The following TRIP12 variants were observed in gnomAD, a reference collection of about 807,000 sequenced individuals.
The protein encoded by TRIP12 is E3 ubiquitin-protein ligase TRIP12.
In TRIP12, 25 loss-of-function variants were observed where a neutral mutation model predicts 244.2. The observed-to-expected ratio is 0.10, with a 90% confidence interval of 0.07 to 0.14. The LOEUF is 0.14. TRIP12 is among the 10% of genes least tolerant of loss of function. The probability of loss-of-function intolerance (pLI) is 1.00; values close to 1 mark genes in which losing one functional copy is unlikely to be tolerated. For synonymous variants in TRIP12, 905 were observed against 873.1 expected, an observed-to-expected ratio of 1.04 and a Z score of -0.64; for missense variants, 1,677 against 2,486.4, an observed-to-expected ratio of 0.67 and a Z score of 6.92.
intron 33 of TRIP12, among the ~76,000 whole-genome samples, chr2:229,786,883 G>GA (rs886485705): frequency 2.0e-5 from 3 of 152,014 alleles, no homozygotes; most frequent in Non-Finnish European, 2.9e-5. Context: ...ATCCCTAGCG[G>GA]AAAAAAACAG....
chr2:229,909,080 ACT>A (rs1338157502), intron 1 of TRIP12, among the ~76,000 whole-genome samples: 24 of 107,140 alleles, frequency 2.2e-4, no homozygotes, highest in Non-Finnish European at 4.2e-4. Flanking sequence ...ACAGAGTGAG[ACT>A]CTGTCTCAAA....
intron 2 of TRIP12, among the ~76,000 whole-genome samples, chr2:229,879,113 G>A (rs1033890142): frequency 1.4e-4 from 21 of 152,028 alleles, no homozygotes; most frequent in African/African-American, 4.8e-4. Flanking sequence ...TTAGCTGGGT[G>A]CGGTGGTGCA....
At chr2:229,848,318 C>G (rs1418368060) in intron 4 of TRIP12, among the ~76,000 whole-genome samples, 3 of 96,852 alleles carry the variant, frequency 3.1e-5, no homozygotes, top group Non-Finnish European at 6.2e-5. Context: ...AAAATGCAGG[C>G]CCCCCCCGCC....
In TRIP12 at chr2:229,805,757, G is replaced by T; in HGVS notation, c.2623C>A (p.Pro875Thr). 1 of 1,602,622 alleles carries T rather than the reference G, an allele frequency of 6.2e-7. No individual in the cohort carries two copies. The highest frequency in any genetic ancestry group is 1.1e-5 in the South Asian group (1 of 90,104). ...GTGTTACTATTGGCTAACGGGTTAG[G>T]TTTTCTCTGAATGGCACGTGCTGTT... Reference protein sequence around the residue: ...TGTARAIQRKPNPLANSNTSG... With the variant: ...TGTARAIQRKTNPLANSNTSG... The change falls in exon 18 of 42, where the codon CCT becomes ACT. Residue 875 changes from proline (P) to threonine (T), a missense_variant. Transcript: ENST00000675903.
At chr2:229,803,885 G>A in intron 19 of TRIP12, 114 bp downstream of exon 19, 2 of 979,858 alleles carry the variant, frequency 2.0e-6, no homozygotes, top group South Asian at 3.6e-5. Context: ...AAGAGCTCAA[G>A]ATACTCCTAA....
intron 2 of TRIP12, among the ~76,000 whole-genome samples, chr2:229,869,659 T>C (rs1458921034): frequency 6.6e-6 from 1 of 152,186 alleles, no homozygotes; most frequent in African/African-American, 2.4e-5. Flanking sequence ...ACTAACGTGG[T>C]GTTCAACAGA....
chr2:229,824,059 G>T (rs775765670), intron 8 of TRIP12, among the ~76,000 whole-genome samples: 1 of 152,108 alleles, frequency 6.6e-6, no homozygotes, highest in African/African-American at 2.4e-5. Flanking sequence ...TTTATAACAC[G>T]TATATATAGG....
intron 30 of TRIP12, among the ~76,000 whole-genome samples, chr2:229,790,856 A>AC (rs1394891215): frequency 1.3e-5 from 2 of 152,066 alleles, no homozygotes; most frequent in Non-Finnish European, 1.5e-5. Context: ...ATTTGTTTCA[A>AC]CCTTCATAAA....
At chr2:229,890,571 T>C (rs1238002073) in intron 1 of TRIP12, among the ~76,000 whole-genome samples, 2 of 152,100 alleles carry the variant, frequency 1.3e-5, no homozygotes, top group Admixed American at 1.3e-4. Context: ...GAAACAAAAA[T>C]TATTAAGATT....
intron 1 of TRIP12, among the ~76,000 whole-genome samples, chr2:229,883,243 T>A (rs1364732846): frequency 3.9e-5 from 6 of 152,224 alleles, no homozygotes; most frequent in Non-Finnish European, 5.9e-5. Context: ...TTCATAGGTA[T>A]CACCACCTCA....
chr2:229,808,461 CAG>C, intron 15 of TRIP12, 92 bp from the exon 16 acceptor site: 1 of 805,030 alleles, frequency 1.2e-6, no homozygotes, highest in East Asian at 2.6e-5. Flanking sequence ...GGAAAATAAT[CAG>C]AATCATTTTC....
At chr2:229,777,855 A>T (rs944432674) in intron 36 of TRIP12, among the ~76,000 whole-genome samples, 5 of 152,230 alleles carry the variant, frequency 3.3e-5, no homozygotes, top group African/African-American at 1.2e-4. Context: ...AAACATACTG[A>T]TAAAGTGCCT....
At chr2:229,848,841 C>T (rs1477698416) in intron 4 of TRIP12, among the ~76,000 whole-genome samples, 1 of 152,110 alleles carries the variant, frequency 6.6e-6, no homozygotes, top group Non-Finnish European at 1.5e-5. Context: ...AAAGTAATTC[C>T]CAACCCAGAA....
intron 21 of TRIP12, among the ~76,000 whole-genome samples, chr2:229,800,166 TAC>T (rs2043908050): frequency 1.3e-5 from 2 of 152,202 alleles, no homozygotes; most frequent in Admixed American, 6.5e-5. Flanking sequence ...GCCTCTAACA[TAC>T]TACCCAAAGT....
chr2:229,923,141 C>T (rs561759832), upstream of TRIP12: 4 of 153,934 alleles, frequency 2.6e-5, no homozygotes, highest in East Asian at 3.8e-4. Flanking sequence ...CGATTGGGAG[C>T]TCTTACCTTT....
intron 27 of TRIP12, 22 bp downstream of exon 27, chr2:229,792,951 G>T: frequency 6.2e-7 from 1 of 1,602,660 alleles, no homozygotes; most frequent in South Asian, 1.1e-5. Context: ...TATAACACAC[G>T]AAACAAATAT....
At chr2:229,923,181 G>T (rs1268113779), upstream of TRIP12, 1 of 152,420 alleles carries the variant, frequency 6.6e-6, no homozygotes, top group African/African-American at 2.4e-5. Flanking sequence ...TTGAAAGTGT[G>T]CGGGTGGTGG....
intron 2 of TRIP12, among the ~76,000 whole-genome samples, chr2:229,868,618 C>A (rs2061971726): frequency 6.6e-6 from 1 of 152,104 alleles, no homozygotes; most frequent in African/African-American, 2.4e-5. Flanking sequence ...AAACAAGAAG[C>A]AGTTTGAACT....
intron 2 of TRIP12, 95 bp from the exon 3 acceptor site, chr2:229,860,626 C>T (rs2060310151): frequency 8.5e-7 from 1 of 1,174,572 alleles, no homozygotes; most frequent in Non-Finnish European, 1.1e-6. Flanking sequence ...CTTAAAGCTT[C>T]CCACAATTCA....
Sources: allele counts gnomAD v4.1 joint callset (sites outside exome capture counted in the v4.1 genomes callset), GRCh38; gene constraint gnomAD v4.1.1; transcripts MANE v1.5; gene names NCBI Gene and HGNC (gene_info 2026-07-23, HGNC 2026-07-21).